The following CEMIP2 variants were observed in gnomAD, a reference collection of about 807,000 sequenced individuals.
CEMIP2 encodes the protein cell migration inducing hyaluronidase 2.
A neutral mutation model predicts 146.9 loss-of-function variants in CEMIP2; 79 were observed. The ratio of observed to expected loss-of-function variants is 0.54; its 90% CI spans 0.45 to 0.65. The LOEUF is 0.65. Among genes scored for constraint, CEMIP2 ranks in the 30% least tolerant of loss-of-function variants. CEMIP2 has a pLI of 0.00. For missense variants in CEMIP2, 1,596 were observed against 1,696.2 expected (o/e 0.94, Z 1.04); for synonymous variants, 601 against 606.3 (o/e 0.99, Z 0.13).
At chr9:71,768,651 C>G (rs530826802), upstream of CEMIP2, 915 of 152,184 alleles carry the variant, frequency 6.0e-3, 7 homozygotes, top group South Asian at 0.018. Context: ...CGCTCTCTCC[C>G]GGAGCCGCCG....
In CEMIP2 at chr9:71,728,295, A is replaced by ACG. The variant is rs1273128106; in HGVS notation, c.2049+1549_2049+1550insCG. 2.1e-3 allele frequency among the ~76,000 whole-genome samples: 92 copies of ACG among 43,222 alleles called. 31 individuals are homozygous for ACG. The highest frequency in any genetic ancestry group is 3.2e-3 in the Non-Finnish European group (74 of 23,224). 28.4% of individuals were successfully genotyped at this position (43,222 alleles called of 152,430 possible). A position where few individuals can be genotyped will look rare whatever the true frequency, so the allele number is the denominator to read the frequency against. The stretch of plus-strand genomic sequence containing the variant: ...TATATATATATGTATATATATATAT[A>ACG]TATATACATATATATATATATACGT... On this transcript the variant is annotated intron_variant, in intron 10 of 23. Transcript: ENST00000377044.
intron 3 of CEMIP2, 70 bp from the exon 4 acceptor site, chr9:71,745,649 C>A: frequency 6.9e-7 from 1 of 1,443,456 alleles, no homozygotes; most frequent in South Asian, 1.4e-5. Context: ...ATAGATTTCA[C>A]CTTAAGTTAA....
rs184929216 is a variant in CEMIP2, at chr9:71,697,778, G to C, written c.3597+207C>G. 7 of 538,854 alleles carry C rather than the reference G, an allele frequency of 1.3e-5. No individual in the cohort carries two copies. In the African/African-American group the frequency reaches 1.3e-4, roughly 10 times the overall value. 33.4% of individuals were successfully genotyped at this position (538,854 alleles called of 1,614,324 possible). A position where few individuals can be genotyped will look rare whatever the true frequency, so the allele number is the denominator to read the frequency against. On this transcript the variant is annotated intron_variant, in intron 20 of 23. Transcript: ENST00000377044. Reference sequence around the variant, plus strand: ...CTGCAGTTGTTCAAGGTAAACTGACGTATCACAGGGGCAAGTATCTCTGTC... The same window carrying C: ...CTGCAGTTGTTCAAGGTAAACTGACCTATCACAGGGGCAAGTATCTCTGTC...
intron 12 of CEMIP2, among the ~76,000 whole-genome samples, chr9:71,722,020 T>C (rs1047002968): frequency 6.6e-6 from 1 of 152,226 alleles, no homozygotes; most frequent in Non-Finnish European, 1.5e-5. Context: ...TTAAATGCAG[T>C]ATTCATTTTG....
intron 2 of CEMIP2, among the ~76,000 whole-genome samples, chr9:71,749,610 G>A (rs1824186976): frequency 6.6e-6 from 1 of 152,004 alleles, no homozygotes; most frequent in Admixed American, 6.6e-5. Context: ...GGAGGCTGAG[G>A]CATGAGAATC....
chr9:71,702,872 A>G (rs778091246), intron 18 of CEMIP2, among the ~76,000 whole-genome samples: 4 of 152,098 alleles, frequency 2.6e-5, no homozygotes, highest in Admixed American at 6.6e-5. Flanking sequence ...TCAGTATCTG[A>G]TGGAAAGGTA....
intron 4 of CEMIP2, 59 bp downstream of exon 4, chr9:71,744,959 C>T (rs1275313986): frequency 2.0e-6 from 3 of 1,533,678 alleles, no homozygotes; most frequent in East Asian, 2.3e-5. Flanking sequence ...TCCCCACCCT[C>T]ACTCTCCTCT....
chr9:71,689,294 T>C (rs994391649), intron 22 of CEMIP2, among the ~76,000 whole-genome samples: 1 of 152,226 alleles, frequency 6.6e-6, no homozygotes, highest in African/African-American at 2.4e-5. Flanking sequence ...AAAATGATTC[T>C]AAAGCTAGAT....
chr9:71,756,498 TCTCTCTCTCA>T (rs1221830424), intron 1 of CEMIP2, among the ~76,000 whole-genome samples: 231 of 137,428 alleles, frequency 1.7e-3, no homozygotes, highest in East Asian at 6.3e-3. Flanking sequence ...TCTCTCTCTC[TCTCTCTCTCA>T]CACACACACA....
chr9:71,689,841 C>T (rs1362591273), intron 22 of CEMIP2, among the ~76,000 whole-genome samples: 1 of 152,196 alleles, frequency 6.6e-6, no homozygotes, highest in African/African-American at 2.4e-5. Flanking sequence ...CTCTTTTCCT[C>T]TGAAGAGCCT....
chr9:71,723,597 G>A (rs1166590159), intron 11 of CEMIP2, among the ~76,000 whole-genome samples: 3 of 152,156 alleles, frequency 2.0e-5, no homozygotes, highest in Non-Finnish European at 2.9e-5. Context: ...TGTTCACTGA[G>A]ACAGACATAT....
chr9:71,756,930 A>G (rs1278764272), intron 1 of CEMIP2, among the ~76,000 whole-genome samples: 4 of 152,236 alleles, frequency 2.6e-5, no homozygotes, highest in African/African-American at 9.6e-5. Context: ...CAGCCATTCA[A>G]TGCTGTGATC....
At chr9:71,708,970 C>T (rs1279916633) in intron 17 of CEMIP2, among the ~76,000 whole-genome samples, 2 of 152,096 alleles carry the variant, frequency 1.3e-5, no homozygotes, top group Admixed American at 1.3e-4. Flanking sequence ...GGTTCTTGTC[C>T]CAACTACGTT....
At chr9:71,685,915 T>C in intron 22 of CEMIP2, 69 bp from the exon 23 acceptor site, 1 of 1,117,190 alleles carries the variant, frequency 9.0e-7, no homozygotes, top group East Asian at 2.4e-5. Context: ...CTACTGAGTA[T>C]CTTTCTGAAC....
At position 71,745,347 on chromosome 9, in the gene CEMIP2, T is replaced by C. The variant is rs1824055694; in HGVS notation, c.705A>G (p.Ala235=). The stretch of plus-strand genomic sequence containing the variant: ...CCAACAACGTCCACGATGCCTTCCG[T>C]GCCCCATGTAACTCCAGTGTCCCGC... ...EAGGTLELHG[A]RKASWTLLAR... Residue 235 remains alanine (A), a synonymous_variant, in exon 4 of 24, where the codon GCA becomes GCG. Coordinates refer to ENST00000377044, the MANE Select transcript of CEMIP2 (RefSeq NM_013390.3). 2 of 1,613,658 alleles carry C rather than the reference T, an allele frequency of 1.2e-6. No homozygotes were observed. Among genetic ancestry groups the C allele is most frequent in the Admixed American group, 1.7e-5 (1 of 59,984 alleles).
At chr9:71,761,255 C>T (rs934547314) in intron 1 of CEMIP2, among the ~76,000 whole-genome samples, 1 of 152,218 alleles carries the variant, frequency 6.6e-6, no homozygotes, top group Non-Finnish European at 1.5e-5. Context: ...CATTAAAATA[C>T]TTCTCAGGAA....
chr9:71,749,878 AT>A, intron 2 of CEMIP2, 164 bp downstream of exon 2: 1 of 598,162 alleles, frequency 1.7e-6, no homozygotes, highest in Non-Finnish European at 2.8e-6. Context: ...TTTCCAACAG[AT>A]TATTGAACAA....
chr9:71,763,919 T>A (rs1824711853), intron 1 of CEMIP2, among the ~76,000 whole-genome samples: 1 of 152,206 alleles, frequency 6.6e-6, no homozygotes, highest in Admixed American at 6.5e-5. Flanking sequence ...ATCCTAGGAA[T>A]GCAATAAAAT....
At chr9:71,693,422 T>C (rs763859032) in intron 21 of CEMIP2, among the ~76,000 whole-genome samples, 20 of 152,224 alleles carry the variant, frequency 1.3e-4, no homozygotes, top group Non-Finnish European at 2.2e-4. Flanking sequence ...TATACTTCCA[T>C]CAAGCCACTT....
Sources: allele counts gnomAD v4.1 joint callset (sites outside exome capture counted in the v4.1 genomes callset), GRCh38; gene constraint gnomAD v4.1.1; transcripts MANE v1.5; gene names NCBI Gene and HGNC (gene_info 2026-07-23, HGNC 2026-07-21).